The following CACNA1C variants were observed in gnomAD, a reference collection of about 807,000 sequenced individuals.
CACNA1C encodes the protein voltage-dependent L-type calcium channel subunit alpha-1C.
In CACNA1C, 30 loss-of-function variants were observed where a neutral mutation model predicts 229.0. That is an observed-to-expected ratio of 0.13 (90% CI 0.10 to 0.18). The LOEUF is 0.18. CACNA1C is among the 10% of genes least tolerant of loss of function. The pLI is 1.00. For synonymous variants in CACNA1C, 1,114 were observed against 1,132.5 expected, an observed-to-expected ratio of 0.98 and a Z score of 0.33; for missense variants, 1,658 against 2,845.0, an observed-to-expected ratio of 0.58 and a Z score of 9.49.
Position 2,593,264 on chromosome 12 carries a change from C to A in CACNA1C, c.2582C>A (p.Pro861Gln). Residue 861 changes from proline (P) to glutamine (Q), a missense_variant, in exon 19 of 47, where the codon CCA (proline) becomes CAA (glutamine). Pro to Gln is a moderately conservative substitution (Grantham distance 76). Around this residue, in one of 20 missense-constraint regions of CACNA1C, gnomAD observed 121 missense variants for 128.8 expected, o/e 0.94. Transcript: ENST00000399655. ...ATGCCTGTCGGCCCTCGCCCACGAC[C>A]ACTCTCTGAGCTTCACCTTAAGGAA... ...PEMPVGPRPR[P>Q]LSELHLKEKA... 6.2e-7 allele frequency: 1 copy of A among 1,613,774 alleles called. No homozygotes were observed. The highest frequency in any genetic ancestry group is 8.5e-7 in the Non-Finnish European group (1 of 1,179,816).
At chr12:2,219,690 C>T (rs968405037) in intron 3 of CACNA1C, among the ~76,000 whole-genome samples, 7 of 152,172 alleles carry the variant, frequency 4.6e-5, no homozygotes, top group African/African-American at 1.7e-4. Flanking sequence ...AAAAGCTAAT[C>T]TTTTTGAATG....
intron 3 of CACNA1C, among the ~76,000 whole-genome samples, chr12:2,194,302 C>A (rs992413621): frequency 3.3e-5 from 5 of 151,026 alleles, no homozygotes; most frequent in African/African-American, 1.2e-4. Context: ...TCCTCCTACA[C>A]CTCCTCTGCC....
At chr12:2,174,871 AT>A (rs767473522) in intron 3 of CACNA1C, among the ~76,000 whole-genome samples, 6 of 152,214 alleles carry the variant, frequency 3.9e-5, no homozygotes, top group Non-Finnish European at 7.3e-5. Context: ...GGTAAAATAT[AT>A]TTACTATTCA....
intron 3 of CACNA1C, among the ~76,000 whole-genome samples, chr12:2,409,053 G>T (rs938308645): frequency 6.6e-6 from 1 of 152,120 alleles, no homozygotes; most frequent in Non-Finnish European, 1.5e-5. Flanking sequence ...GCTGATCCTT[G>T]TCTTCTTGTC....
At chr12:2,202,034 G>A (rs142325253) in intron 3 of CACNA1C, among the ~76,000 whole-genome samples, 17 of 152,278 alleles carry the variant, frequency 1.1e-4, no homozygotes, top group African/African-American at 4.1e-4. Context: ...TATTTTTCTG[G>A]TTCTTCATCA....
intron 9 of CACNA1C, 92 bp downstream of exon 9, chr12:2,513,076 CT>C: frequency 9.5e-7 from 1 of 1,049,730 alleles, no homozygotes; most frequent in Non-Finnish European, 1.4e-6. Flanking sequence ...GCCACCCTTT[CT>C]TAGAAGCCCA....
In CACNA1C at chr12:2,647,998, C is replaced by T. The variant is rs1192275415; in HGVS notation, c.3913-477C>T. On this transcript the variant is annotated intron_variant, in intron 30 of 46. Transcript: ENST00000399655. This position sits in a 1 kb window ranked among gnomAD's most constrained non-coding sequence, Gnocchi z 4.2. The stretch of plus-strand genomic sequence containing the variant: ...AAATAAAAAATTTAAATTAGCCGGG[C>T]ATGGTGGCACGTTCCTATAGTCCTA... Among the ~76,000 whole-genome samples, 4 of 151,958 alleles carry T rather than the reference C, an allele frequency of 2.6e-5. No individual in the cohort carries two copies. Among genetic ancestry groups the T allele is most frequent in the Non-Finnish European group, 2.9e-5 (2 of 68,014 alleles).
intron 3 of CACNA1C, among the ~76,000 whole-genome samples, chr12:2,413,434 C>CA (rs770174285): frequency 2.6e-5 from 4 of 152,190 alleles, no homozygotes; most frequent in Non-Finnish European, 5.9e-5. Flanking sequence ...TTCCCCTCCT[C>CA]AGTTTGAATT....
chr12:2,237,111 A>G (rs2067703028), intron 3 of CACNA1C, among the ~76,000 whole-genome samples: 1 of 152,172 alleles, frequency 6.6e-6, no homozygotes, highest in Non-Finnish European at 1.5e-5. Context: ...CAAGTCCAGT[A>G]GTGGATGGGC....
intron 10 of CACNA1C, among the ~76,000 whole-genome samples, chr12:2,555,071 C>T (rs1204685699): frequency 6.6e-6 from 1 of 152,228 alleles, no homozygotes; most frequent in Admixed American, 6.5e-5. Context: ...AGGCTCTGTC[C>T]ATTTCGTGCT....
At chr12:2,544,374 G>A (rs2099877248) in intron 9 of CACNA1C, among the ~76,000 whole-genome samples, 1 of 152,196 alleles carries the variant, frequency 6.6e-6, no homozygotes, top group Non-Finnish European at 1.5e-5. Flanking sequence ...TAAGATTTGG[G>A]TTGCCCCTCC....
intron 1 of CACNA1C, among the ~76,000 whole-genome samples, chr12:2,100,889 A>C (rs2154100997): frequency 6.6e-6 from 1 of 151,830 alleles, no homozygotes; most frequent in East Asian, 1.9e-4. Flanking sequence ...TACTAAAAAC[A>C]AAACAAAAAT....
At chr12:2,514,811 A>G (rs2099792866) in intron 9 of CACNA1C, among the ~76,000 whole-genome samples, 1 of 152,124 alleles carries the variant, frequency 6.6e-6, no homozygotes, top group African/African-American at 2.4e-5. Context: ...AGGAGCTTCC[A>G]AGGGAGAGTG....
At chr12:2,367,365 T>C (rs973543865) in intron 3 of CACNA1C, among the ~76,000 whole-genome samples, 2 of 152,130 alleles carry the variant, frequency 1.3e-5, no homozygotes, top group Non-Finnish European at 2.9e-5. Context: ...CGGTCCGCCA[T>C]TGTGGGGACT....
chr12:2,535,582 T>C (rs1426746184), intron 9 of CACNA1C, among the ~76,000 whole-genome samples: 2 of 149,614 alleles, frequency 1.3e-5, no homozygotes, highest in Non-Finnish European at 3.0e-5. Context: ...TGTGTGGGCC[T>C]GTAATCCTAG....
intron 43 of CACNA1C, among the ~76,000 whole-genome samples, chr12:2,685,203 C>A (rs989146772): frequency 6.6e-6 from 1 of 151,542 alleles, no homozygotes; most frequent in Admixed American, 6.6e-5. Flanking sequence ...AAGCCATAGA[C>A]TAGATGCCCC....
chr12:2,315,448 C>T (rs2095640976), intron 3 of CACNA1C, among the ~76,000 whole-genome samples: 3 of 152,302 alleles, frequency 2.0e-5, no homozygotes, highest in Middle Eastern at 3.4e-3. Context: ...GTGTTTTTTC[C>T]CCTTCTAGTC....
chr12:2,293,450 C>A (rs2093708024), intron 3 of CACNA1C, among the ~76,000 whole-genome samples: 1 of 152,236 alleles, frequency 6.6e-6, no homozygotes, highest in Admixed American at 6.5e-5. Context: ...ATGCCTCTAA[C>A]ACCTAGAGCA....
chr12:2,241,905 T>A (rs1436182374), intron 3 of CACNA1C, among the ~76,000 whole-genome samples: 1 of 152,222 alleles, frequency 6.6e-6, no homozygotes, highest in Non-Finnish European at 1.5e-5. Flanking sequence ...TTCTCCTGGT[T>A]CTTGCCCATC....
Sources: gnomAD v4.1 joint callset for allele counts (sites outside exome capture counted in the v4.1 genomes callset) on GRCh38, gnomAD v4.1.1 for gene constraint, gnomAD v4.1.1 regional missense constraint, Gnocchi (gnomAD v3.1) non-coding constraint, MANE v1.5 for transcripts, NCBI Gene and HGNC (gene_info 2026-07-23, HGNC 2026-07-21) for gene names.